CELSR1: variants seen among roughly 807,000 people sequenced by gnomAD.
CELSR1 encodes the protein cadherin EGF LAG seven-pass G-type receptor 1.
A neutral mutation model predicts 249.1 loss-of-function variants in CELSR1; 110 were observed. The observed-to-expected ratio is 0.44, with a 90% CI of 0.38 to 0.52. The LOEUF (loss-of-function observed/expected upper bound fraction) is 0.52. Ranked by LOEUF, CELSR1 falls within the 20% of genes least tolerant of loss-of-function variation. CELSR1 has a pLI of 0.00. For missense variants in CELSR1, 4,109 were observed against 4,296.4 expected (o/e 0.96, Z 1.22); for synonymous variants, 2,113 against 1,900.0 (o/e 1.11, Z -2.92).
rs2080334847 is a variant in CELSR1 at position 46,488,267 on chromosome 22, T to C, written c.3545-23922A>G. The stretch of plus-strand genomic sequence containing the variant: ...GGAGGTGAAGGTGACCCCCAGATAG[T>C]CCCCAGAGCCAGTGCTACATGGGAA... On this transcript the variant is annotated intron_variant, in intron 1 of 34. Transcript: ENST00000674500. The surrounding 1 kb of genome is among the most constrained non-coding windows in gnomAD (Gnocchi z 4.7). Among the ~76,000 whole-genome samples, 1 of 151,946 alleles carries C rather than the reference T, an allele frequency of 6.6e-6. No individual in the cohort carries two copies. Among genetic ancestry groups the C allele is most frequent in the African/African-American group, 2.4e-5 (1 of 41,388 alleles).
intron 27 of CELSR1, among the ~76,000 whole-genome samples, 197 bp from the exon 28 acceptor site, chr22:46,368,052 A>G (rs965404447): frequency 6.6e-6 from 1 of 151,972 alleles, no homozygotes; most frequent in African/African-American, 2.4e-5. Flanking sequence ...GGAACCAGAC[A>G]GAGCTCGTGT....
At chr22:46,370,112 G>A (rs531297011) in intron 25 of CELSR1, 3 of 498,220 alleles carry the variant, frequency 6.0e-6, no homozygotes, top group African/African-American at 3.9e-5. Context: ...GATGGTGCAG[G>A]AGGGATCGTG....
rs1283177179 is a variant in CELSR1 at position 46,448,361 on chromosome 22, G to C, written c.4184-8950C>G. On this transcript the variant is annotated intron_variant, in intron 2 of 34. Transcript: ENST00000674500. The surrounding 1 kb of genome is among the most constrained non-coding windows in gnomAD (Gnocchi z 5.7). The stretch of plus-strand genomic sequence containing the variant: ...CAAGAGCTCCAGAACTTACCCCTGG[G>C]GGGCTGCTCCAGGAGCTAGGAGAAG... 6.6e-6 allele frequency among the ~76,000 whole-genome samples: 1 copy of C among 152,142 alleles called. No individual in the cohort carries two copies. The highest frequency in any genetic ancestry group is 6.5e-5 in the Admixed American group (1 of 15,270).
At chr22:46,414,536 C>T (rs1032127195) in intron 5 of CELSR1, among the ~76,000 whole-genome samples, 1 of 150,734 alleles carries the variant, frequency 6.6e-6, no homozygotes, top group Non-Finnish European at 1.5e-5. Context: ...GCAGGCTAAC[C>T]GTCCACTCTC....
rs2079341487 is a variant in CELSR1 at position 46,411,890 on chromosome 22, C to T, written c.4612-131G>A. 1.7e-5 allele frequency: 20 copies of T among 1,184,576 alleles called. No individual in the cohort carries two copies. The highest frequency in any genetic ancestry group is 3.0e-5 in the African/African-American group (2 of 66,448). 73.4% of individuals were successfully genotyped at this position (1,184,576 alleles called of 1,614,324 possible). A position where few individuals can be genotyped will look rare whatever the true frequency, so the allele number is the denominator to read the frequency against. ...GGCACGTAGACAAGGGATGAGGAGC[C>T]CCCGGCCTTTAGTTCCCCAAACTAG... On this transcript the variant is annotated intron_variant, in intron 5 of 34. Coordinates refer to ENST00000674500, the MANE Select transcript of CELSR1 (RefSeq NM_001378328.1). The surrounding 1 kb of genome is among the most constrained non-coding windows in gnomAD (Gnocchi z 4.2).
chr22:46,392,393 C>T (rs1443159507), intron 14 of CELSR1, among the ~76,000 whole-genome samples: 2 of 152,064 alleles, frequency 1.3e-5, no homozygotes, highest in Non-Finnish European at 2.9e-5. Context: ...TGGGCAGACT[C>T]GTGAGCAACG....
At chr22:46,377,597 A>C in intron 23 of CELSR1, 1 of 342,094 alleles carries the variant, frequency 2.9e-6, no homozygotes. Context: ...TTCTGCCTCA[A>C]TTTCAGCTTC....
rs960206623 is a variant in CELSR1, at chr22:46,429,768, G to A, written c.4611+3625C>T. On this transcript the variant is annotated intron_variant, in intron 5 of 34. Transcript: ENST00000674500. The surrounding 1 kb of genome is among the most constrained non-coding windows in gnomAD (Gnocchi z 4.1). Reference sequence around the variant, plus strand: ...TAGCTGTGCCCCTCCTGGGTGGTCCGCAGCCCTCTCCTGTGGCTTCTGACC... The same window carrying A: ...TAGCTGTGCCCCTCCTGGGTGGTCCACAGCCCTCTCCTGTGGCTTCTGACC... Among the ~76,000 whole-genome samples, 7 of 152,170 alleles carry A rather than the reference G, an allele frequency of 4.6e-5. No homozygotes were observed. The highest frequency in any genetic ancestry group is 7.2e-5 in the African/African-American group (3 of 41,440).
chr22:46,499,914 C>G lies in CELSR1; in HGVS notation c.3544+33713G>C, dbSNP rs543875555. Among the ~76,000 whole-genome samples the G allele has an allele frequency of 3.3e-5, 5 of 152,292 alleles. No homozygotes were observed. The East Asian group carries it at 9.7e-4, about 29-fold the overall frequency. ...AAAAGCCAGAACCGTGCCTCTTCCTCTCCTCCAGAACACGCCAGGCTCCAG... is the reference window on the plus strand; with the variant it reads ...AAAAGCCAGAACCGTGCCTCTTCCTGTCCTCCAGAACACGCCAGGCTCCAG... On this transcript the variant is annotated intron_variant, in intron 1 of 34. Coordinates refer to ENST00000674500, the MANE Select transcript of CELSR1 (RefSeq NM_001378328.1).
At chr22:46,478,269 A>G (rs2147651437) in intron 1 of CELSR1, among the ~76,000 whole-genome samples, 1 of 152,308 alleles carries the variant, frequency 6.6e-6, no homozygotes, top group South Asian at 2.1e-4. Context: ...GGCTGGGCCA[A>G]AGGGGAGCCA....
intron 2 of CELSR1, chr22:46,462,974 G>C (rs925979753): frequency 2.2e-6 from 1 of 457,586 alleles, no homozygotes; most frequent in Non-Finnish European, 4.5e-6. Context: ...ATGATTAATG[G>C]CTCAATGGTT....
chr22:46,379,528 G>A (rs1242718095), intron 22 of CELSR1, among the ~76,000 whole-genome samples: 3 of 152,216 alleles, frequency 2.0e-5, no homozygotes, highest in Non-Finnish European at 4.4e-5. Context: ...CAGACAGCCG[G>A]GCCTGACGTC....
At position 46,436,313 on chromosome 22, in the gene CELSR1, T is replaced by C. The variant is rs2079660391; in HGVS notation, c.4407-24A>G. 1 of 1,591,524 alleles carries C rather than the reference T, an allele frequency of 6.3e-7. No homozygotes were observed. Among genetic ancestry groups the C allele is most frequent in the Non-Finnish European group, 8.6e-7 (1 of 1,160,150 alleles). ...ACCTGTGGGGCCAAGCAGAGGCACA[T>C]CACAGGATGAAGACCCCAGGGTCCA... is the stretch of plus-strand genomic sequence containing the variant. On this transcript the variant is annotated intron_variant, in intron 3 of 34. Transcript: ENST00000674500. This position sits in a 1 kb window ranked among gnomAD's most constrained non-coding sequence, Gnocchi z 5.9.
At chr22:46,438,200 C>T (rs187948412) in intron 3 of CELSR1, among the ~76,000 whole-genome samples, 5 of 152,016 alleles carry the variant, frequency 3.3e-5, no homozygotes, top group Non-Finnish European at 5.9e-5. Flanking sequence ...AGAAGGGGGC[C>T]GGGGAAGGAG....
intron 1 of CELSR1, among the ~76,000 whole-genome samples, chr22:46,482,737 A>G (rs1013617779): frequency 2.0e-5 from 3 of 152,166 alleles, no homozygotes; most frequent in African/African-American, 7.2e-5. Flanking sequence ...AATTATCTAC[A>G]GGGTCCTTCA....
chr22:46,422,360 G>A lies in CELSR1; in HGVS notation c.4612-10601C>T, dbSNP rs561314133. Among the ~76,000 whole-genome samples the A allele has an allele frequency of 2.7e-3, 409 of 151,968 alleles. 3 individuals are homozygous for A. The South Asian group carries it at 0.032, about 12-fold the overall frequency. On this transcript the variant is annotated intron_variant, in intron 5 of 34. Transcript: ENST00000674500. ...TGACTTCAAGTGATCTGCCTGCCTCGGCCTCCCAAAGTGCTAGGATTACAG... is the reference window on the plus strand; with the variant it reads ...TGACTTCAAGTGATCTGCCTGCCTCAGCCTCCCAAAGTGCTAGGATTACAG...
At chr22:46,479,943 G>A (rs559532609) in intron 1 of CELSR1, among the ~76,000 whole-genome samples, 1 of 151,996 alleles carries the variant, frequency 6.6e-6, no homozygotes, top group Non-Finnish European at 1.5e-5. Context: ...GGTTTGTCTC[G>A]ACTGGACTCT....
At position 46,488,402 on chromosome 22, in the gene CELSR1, GC is replaced by G. The variant is rs2080336237; in HGVS notation, c.3545-24058del. 6.6e-6 allele frequency among the ~76,000 whole-genome samples: 1 copy of G among 152,126 alleles called. No homozygotes were observed. Among genetic ancestry groups the G allele is most frequent in the South Asian group, 2.1e-4 (1 of 4,830 alleles). On this transcript the variant is annotated intron_variant, in intron 1 of 34. Coordinates refer to ENST00000674500, the MANE Select transcript of CELSR1 (RefSeq NM_001378328.1). This position sits in a 1 kb window ranked among gnomAD's most constrained non-coding sequence, Gnocchi z 4.7. ...CAGCTTCCCTGCTCGCCTACAGCCG[GC>G]GAGTGCAGCACAGGAGGCCACCGTA...
rs141528607 is a variant in CELSR1, at chr22:46,406,775, G to C, written c.5226+2221C>G. Among the ~76,000 whole-genome samples the C allele has an allele frequency of 2.0e-5, 3 of 152,260 alleles. No individual in the cohort carries two copies. Among genetic ancestry groups the C allele is most frequent in the African/African-American group, 7.2e-5 (3 of 41,524 alleles). On this transcript the variant is annotated intron_variant, in intron 9 of 34. Coordinates refer to ENST00000674500, the MANE Select transcript of CELSR1 (RefSeq NM_001378328.1). The surrounding 1 kb of genome is among the most constrained non-coding windows in gnomAD (Gnocchi z 5.4). ...CGCCTCAGTTTCCCGTGTGTGGAAC[G>C]AGAGCTTGGAGCAGGCACTCCGTAA...
Sources: allele counts gnomAD v4.1 joint callset (sites outside exome capture counted in the v4.1 genomes callset), GRCh38; gene constraint gnomAD v4.1.1; non-coding constraint Gnocchi (gnomAD v3.1); transcripts MANE v1.5; gene names NCBI Gene and HGNC (gene_info 2026-07-23, HGNC 2026-07-21).